The following PRLR variants were observed in gnomAD, a reference collection of about 807,000 sequenced individuals.
PRLR encodes hPRL receptor.
PRLR carries 13 observed loss-of-function variants against 40.2 expected under a neutral mutation model. The observed-to-expected ratio is 0.32, with a 90% CI of 0.21 to 0.51. PRLR has a LOEUF of 0.51. Among genes scored for constraint, PRLR ranks in the 20% least tolerant of loss-of-function variants. The probability of loss-of-function intolerance (pLI) is 0.97; values close to 1 mark genes in which losing one functional copy is unlikely to be tolerated. For synonymous variants in PRLR, 269 were observed against 278.7 expected (o/e 0.97, Z 0.35); for missense variants, 656 against 747.3 (o/e 0.88, Z 1.42).
chr5:35,087,232 T>C (rs1314627181), intron 3 of PRLR, among the ~76,000 whole-genome samples: 3 of 152,086 alleles, frequency 2.0e-5, no homozygotes, highest in Non-Finnish European at 2.9e-5. Flanking sequence ...CCTCGTGCTC[T>C]GCCCACCTTG....
intron 1 of PRLR, among the ~76,000 whole-genome samples, chr5:35,204,385 A>C (rs1200488083): frequency 1.3e-5 from 2 of 152,026 alleles, no homozygotes; most frequent in Non-Finnish European, 2.9e-5. Flanking sequence ...TATGATGAGG[A>C]TGGGGATGGG....
At chr5:35,174,406 T>G (rs982496537) in intron 1 of PRLR, among the ~76,000 whole-genome samples, 3 of 152,182 alleles carry the variant, frequency 2.0e-5, no homozygotes, top group African/African-American at 7.2e-5. Context: ...GGTTTTTTTC[T>G]ACATCGACAC....
At chr5:35,067,176 T>G (rs1769431671) in intron 9 of PRLR, among the ~76,000 whole-genome samples, 1 of 152,206 alleles carries the variant, frequency 6.6e-6, no homozygotes, top group African/African-American at 2.4e-5. Flanking sequence ...AGCTTCTCCA[T>G]TTTTAAAAGG....
In PRLR at chr5:35,104,302, C is replaced by T. The variant is rs538954405; in HGVS notation, c.-44+13759G>A. On this transcript the variant is annotated intron_variant, in intron 2 of 9. Transcript: ENST00000618457. ...AACAGCTCCAGTCCACAGCTCCCAG[C>T]GTGAGCAATGCAGAAGACGGGTGAT... Among the ~76,000 whole-genome samples, 7 of 152,296 alleles carry T rather than the reference C, an allele frequency of 4.6e-5. No homozygotes were observed. The East Asian group carries it at 9.7e-4, about 21-fold the overall frequency.
intron 1 of PRLR, among the ~76,000 whole-genome samples, chr5:35,118,800 T>C (rs1368768002): frequency 6.6e-6 from 1 of 151,946 alleles, no homozygotes; most frequent in African/African-American, 2.4e-5. Flanking sequence ...GATCTTTTTT[T>C]TTTTTGACAG....
rs561796739 is a variant in PRLR at position 35,156,733 on chromosome 5, A to T, written c.-105-38611T>A. Among the ~76,000 whole-genome samples, 5 of 152,254 alleles carry T rather than the reference A, an allele frequency of 3.3e-5. No individual in the cohort carries two copies. In the South Asian group the frequency reaches 1.0e-3, roughly 32 times the overall value. On this transcript the variant is annotated intron_variant, in intron 1 of 9. Coordinates refer to ENST00000618457, the MANE Select transcript of PRLR (RefSeq NM_000949.7). Reference sequence around the variant, plus strand: ...TGTGCTCAAAGTTATCATGTCTGCAAGTCCTTTACCAGTTCTGCCTTTTGA... The same window carrying T: ...TGTGCTCAAAGTTATCATGTCTGCATGTCCTTTACCAGTTCTGCCTTTTGA...
At chr5:35,139,792 T>G (rs1399928903) in intron 1 of PRLR, among the ~76,000 whole-genome samples, 1 of 152,230 alleles carries the variant, frequency 6.6e-6, no homozygotes, top group Admixed American at 6.5e-5. Flanking sequence ...TGCATGTATG[T>G]ATTTTTTCTT....
chr5:35,144,171 A>T lies in PRLR; in HGVS notation c.-105-26049T>A, dbSNP rs184517664. 4.1e-3 allele frequency among the ~76,000 whole-genome samples: 611 copies of T among 150,578 alleles called. 1 individual carries two copies. The highest frequency in any genetic ancestry group is 7.0e-3 in the Middle Eastern group (2 of 286). ...AGAACAACAGAACAACCAGTCCCTG[A>T]ATCAGATACTTTTATCTTTCTTTTG... On this transcript the variant is annotated intron_variant, in intron 1 of 9. Coordinates refer to ENST00000618457, the MANE Select transcript of PRLR (RefSeq NM_000949.7).
intron 2 of PRLR, among the ~76,000 whole-genome samples, chr5:35,101,461 G>T (rs1259212981): frequency 3.3e-5 from 5 of 152,140 alleles, no homozygotes; most frequent in Admixed American, 6.5e-5. Context: ...GCTGCAAGGT[G>T]GTTGGGTTAG....
chr5:35,162,161 TA>T (rs1386061018), intron 1 of PRLR, among the ~76,000 whole-genome samples: 1 of 152,216 alleles, frequency 6.6e-6, no homozygotes, highest in African/African-American at 2.4e-5. Flanking sequence ...TCCTTTCCAG[TA>T]ACAAAAGACT....
chr5:35,124,538 T>A (rs1773394131), intron 1 of PRLR, among the ~76,000 whole-genome samples: 1 of 152,204 alleles, frequency 6.6e-6, no homozygotes, highest in Admixed American at 6.5e-5. Flanking sequence ...AGTTTAGATA[T>A]CCTTATAGTA....
chr5:35,090,789 CTCTTTTTTTTTTTTTT>C (rs1771151318), intron 2 of PRLR, among the ~76,000 whole-genome samples: 2 of 105,070 alleles, frequency 1.9e-5, no homozygotes, highest in African/African-American at 6.6e-5. Context: ...CATCAATTAG[CTCTTTTTTTTTTTTTT>C]TTTTTTTTTT....
At chr5:35,071,204 C>T (rs995536056) in intron 6 of PRLR, among the ~76,000 whole-genome samples, 2 of 152,030 alleles carry the variant, frequency 1.3e-5, no homozygotes, top group African/African-American at 4.8e-5. Context: ...GAAATGGAGG[C>T]GTAGAGAAAT....
At chr5:35,207,382 T>A (rs1414415949) in intron 1 of PRLR, among the ~76,000 whole-genome samples, 1 of 151,860 alleles carries the variant, frequency 6.6e-6, no homozygotes, top group Non-Finnish European at 1.5e-5. Flanking sequence ...GAGGAGATAA[T>A]GGAAGAAAAA....
intron 1 of PRLR, among the ~76,000 whole-genome samples, chr5:35,145,646 G>A (rs4288098): frequency 0.85 from 129,440 of 152,174 alleles, 56,701 homozygotes; most frequent in South Asian, 0.96. Flanking sequence ...TGCTTTGCCC[G>A]CATGAGAATT....
At chr5:35,203,035 T>C (rs1341002127) in intron 1 of PRLR, among the ~76,000 whole-genome samples, 1 of 152,182 alleles carries the variant, frequency 6.6e-6, no homozygotes, top group East Asian at 1.9e-4. Context: ...CCCTGAAGAC[T>C]TCTCATAGTC....
Position 35,056,518 on chromosome 5 carries a change from T to C in PRLR, c.*8571A>G. The C allele has an allele frequency of 6.6e-6, 1 of 152,148 alleles. No individual in the cohort carries two copies. The highest frequency in any genetic ancestry group is 1.9e-4 in the East Asian group (1 of 5,198). The allele number at this position is 152,148 out of a possible 1,614,324, so 9.4% of individuals were successfully genotyped here. A position where few individuals can be genotyped will look rare whatever the true frequency, so the allele number is the denominator to read the frequency against. On this transcript the variant is annotated 3_prime_UTR_variant, in exon 10 of 10. Transcript: ENST00000618457. Reference sequence around the variant, plus strand: ...CCAAAGAAACTGGGGAGATTTAGAATGTATAAAACTTGATTAGCAAGTTGT... The same window carrying C: ...CCAAAGAAACTGGGGAGATTTAGAACGTATAAAACTTGATTAGCAAGTTGT...
intron 5 of PRLR, among the ~76,000 whole-genome samples, chr5:35,082,509 CA>C (rs1448555353): frequency 4.0e-5 from 6 of 149,544 alleles, no homozygotes; most frequent in African/African-American, 5.1e-5. Context: ...GCACCACATA[CA>C]AGTAATACCC....
At chr5:35,129,112 G>A (rs1013305021) in intron 1 of PRLR, among the ~76,000 whole-genome samples, 1 of 152,208 alleles carries the variant, frequency 6.6e-6, no homozygotes, top group East Asian at 1.9e-4. Context: ...AAGAGATGGT[G>A]TCAAATTCTC....
Sources: allele counts gnomAD v4.1 joint callset (sites outside exome capture counted in the v4.1 genomes callset), GRCh38; gene constraint gnomAD v4.1.1; transcripts MANE v1.5; gene names NCBI Gene and HGNC (gene_info 2026-07-23, HGNC 2026-07-21).